Variants in IRAK2 observed in about 807,000 individuals in gnomAD.
IRAK2 encodes interleukin-1 receptor-associated kinase-like 2.
IRAK2 carries 57 observed loss-of-function variants against 72.0 expected under a neutral mutation model. The observed-to-expected ratio is 0.79, with a 90% CI of 0.64 to 0.99. IRAK2 has a LOEUF of 0.99. Ranked by LOEUF, IRAK2 falls within the 50% of genes least tolerant of loss-of-function variation. The probability of loss-of-function intolerance (pLI) is 0.00; values close to 1 mark genes in which losing one functional copy is unlikely to be tolerated. For missense variants in IRAK2, 790 were observed against 794.4 expected (o/e 0.99, Z 0.07); for synonymous variants, 293 against 312.7 (o/e 0.94, Z 0.67).
intron 2 of IRAK2, among the ~76,000 whole-genome samples, chr3:10,188,524 T>A (rs1485164392): frequency 6.7e-6 from 1 of 149,774 alleles, no homozygotes; most frequent in East Asian, 2.0e-4. Context: ...ATTTATTTAT[T>A]TATGTATTTA....
chr3:10,227,708 G>A (rs1006027176), intron 10 of IRAK2, among the ~76,000 whole-genome samples: 1 of 149,222 alleles, frequency 6.7e-6, no homozygotes, highest in African/African-American at 2.5e-5. Flanking sequence ...TTGCTCTGTC[G>A]CCCAGGCTGC....
At chr3:10,228,133 G>C (rs1697808966) in intron 10 of IRAK2, among the ~76,000 whole-genome samples, 1 of 152,124 alleles carries the variant, frequency 6.6e-6, no homozygotes, top group East Asian at 1.9e-4. Flanking sequence ...GGCTTTTGCA[G>C]AGTTTCAAAT....
intron 11 of IRAK2, among the ~76,000 whole-genome samples, chr3:10,237,296 A>C (rs11711184): frequency 0.44 from 66,364 of 151,876 alleles, 15,344 homozygotes; most frequent in Admixed American, 0.53. Context: ...TTTAGGTGTA[A>C]GAAGAGGTAG....
intron 8 of IRAK2, among the ~76,000 whole-genome samples, chr3:10,220,560 A>T (rs887295480): frequency 2.6e-5 from 4 of 152,152 alleles, no homozygotes; most frequent in Non-Finnish European, 1.5e-5. Flanking sequence ...CTCCTGCCTT[A>T]GCCTCCTGAG....
rs1698075952 is a variant in IRAK2, at chr3:10,242,455, TAGTC to T, written c.*230_*233del. ...AAGTCTCTTCCTTTCTGGGCTTTGT[TAGTC>T]AGAGCAGGGGATCAGAGGAGACTGA... On this transcript the variant is annotated 3_prime_UTR_variant, in exon 13 of 13. Transcript: ENST00000256458. 1 of 337,648 alleles carries T rather than the reference TAGTC, an allele frequency of 3.0e-6. No homozygotes were observed. Among genetic ancestry groups the T allele is most frequent in the Non-Finnish European group, 5.4e-6 (1 of 183,724 alleles). 20.9% of individuals were successfully genotyped at this position (337,648 alleles called of 1,614,324 possible).
intron 3 of IRAK2, among the ~76,000 whole-genome samples, chr3:10,205,182 T>G (rs1276533118): frequency 6.6e-6 from 1 of 152,158 alleles, no homozygotes; most frequent in Non-Finnish European, 1.5e-5. Context: ...CTTCTCATTC[T>G]CCTCTCTCTG....
rs1324817290 is a variant in IRAK2, at chr3:10,219,806, G to A, written c.1013+17G>A. The A allele has an allele frequency of 3.2e-6, 5 of 1,568,126 alleles. No individual in the cohort carries two copies. Among genetic ancestry groups the A allele is most frequent in the Non-Finnish European group, 4.4e-6 (5 of 1,138,460 alleles). On this transcript the variant is annotated intron_variant, in intron 8 of 12. Transcript: ENST00000256458. ...CGTCAAGAGGTGAGAGAGGTGGGCT[G>A]GACCCTGCTGGGGCCTGGGCTGCAA... is the stretch of plus-strand genomic sequence containing the variant.
intron 4 of IRAK2, 44 bp from the exon 5 acceptor site, chr3:10,213,163 C>G (rs376323243): frequency 7.2e-6 from 11 of 1,527,032 alleles, no homozygotes; most frequent in Non-Finnish European, 9.0e-6. Context: ...GCAGAGAAAA[C>G]GAGATTCCAT....
chr3:10,223,312 A>G (rs1697724666), intron 9 of IRAK2, among the ~76,000 whole-genome samples: 1 of 152,106 alleles, frequency 6.6e-6, no homozygotes, highest in Non-Finnish European at 1.5e-5. Context: ...CCATCCATTC[A>G]GCGACCACTG....
rs1698075846 is a variant in IRAK2, at chr3:10,242,450, T to C, written c.*222T>C. 1 of 349,010 alleles carries C rather than the reference T, an allele frequency of 2.9e-6. No homozygotes were observed. The highest frequency in any genetic ancestry group is 2.1e-5 in the African/African-American group (1 of 47,590). The allele number at this position is 349,010 out of a possible 1,614,324, so 21.6% of individuals were successfully genotyped here. On this transcript the variant is annotated 3_prime_UTR_variant, in exon 13 of 13. Coordinates refer to ENST00000256458, the MANE Select transcript of IRAK2 (RefSeq NM_001570.4). ...CCATGAAGTCTCTTCCTTTCTGGGC[T>C]TTGTTAGTCAGAGCAGGGGATCAGA...
At chr3:10,208,078 G>C (rs891470982) in intron 3 of IRAK2, among the ~76,000 whole-genome samples, 1 of 151,730 alleles carries the variant, frequency 6.6e-6, no homozygotes, top group Admixed American at 6.6e-5. Context: ...AGACTAATGA[G>C]GCCGTCTGGT....
chr3:10,178,058 A>G, intron 2 of IRAK2, 38 bp downstream of exon 2: 1 of 1,510,660 alleles, frequency 6.6e-7, no homozygotes, highest in Non-Finnish European at 9.0e-7. Context: ...GGGGCCCATC[A>G]CGCTCCTGAG....
At chr3:10,232,040 T>C (rs988374720) in intron 10 of IRAK2, among the ~76,000 whole-genome samples, 8 of 152,092 alleles carry the variant, frequency 5.3e-5, no homozygotes, top group Admixed American at 1.3e-4. Flanking sequence ...GGCAGGAGAA[T>C]GGCATGAACC....
At chr3:10,236,423 C>G (rs1022618815) in intron 11 of IRAK2, among the ~76,000 whole-genome samples, 1 of 146,508 alleles carries the variant, frequency 6.8e-6, no homozygotes, top group African/African-American at 2.5e-5. Flanking sequence ...TCTCGGCTCA[C>G]TGCAACCTCC....
At chr3:10,219,934 A>G in intron 8 of IRAK2, 145 bp downstream of exon 8, 1 of 637,504 alleles carries the variant, frequency 1.6e-6, no homozygotes, top group Non-Finnish European at 2.8e-6. Flanking sequence ...CCTCCCCTGG[A>G]TGTCTTTTTC....
Position 10,238,740 on chromosome 3 carries a change from T to C in IRAK2, c.1474-8T>C. 1 of 1,612,042 alleles carries C rather than the reference T, an allele frequency of 6.2e-7. No homozygotes were observed. Among genetic ancestry groups the C allele is most frequent in the Non-Finnish European group, 8.5e-7 (1 of 1,178,840 alleles). ...CTGATGAGCTCCCTTCTCTCTCTTC[T>C]CCCAAAGGTGTGTGGCTCTGTGGCT... On this transcript the variant is annotated splice_polypyrimidine_tract_variant and splice_region_variant and intron_variant, in intron 11 of 12. Coordinates refer to ENST00000256458, the MANE Select transcript of IRAK2 (RefSeq NM_001570.4).
rs551564779 is a variant in IRAK2 at position 10,206,044 on chromosome 3, G to C, written c.425-3545G>C. ...AGAGGCAGATACCAAGACAGGATAG[G>C]ATTTCATCAACAAGATAGGATTTCA... On this transcript the variant is annotated intron_variant, in intron 3 of 12. Transcript: ENST00000256458. 1.0e-3 allele frequency among the ~76,000 whole-genome samples: 158 copies of C among 152,290 alleles called. 1 individual carries two copies. Among genetic ancestry groups the C allele is most frequent in the African/African-American group, 3.7e-3 (154 of 41,558 alleles).
chr3:10,189,005 G>A (rs1290180423), intron 2 of IRAK2, among the ~76,000 whole-genome samples: 1 of 152,228 alleles, frequency 6.6e-6, no homozygotes, highest in African/African-American at 2.4e-5. Context: ...AGATGCTGGG[G>A]ATGCAACCAT....
chr3:10,181,258 T>C (rs1696955132), intron 2 of IRAK2, among the ~76,000 whole-genome samples: 1 of 152,050 alleles, frequency 6.6e-6, no homozygotes, highest in Non-Finnish European at 1.5e-5. Context: ...TTCCTCTCCT[T>C]ACATTCCCCC....
Sources: allele counts gnomAD v4.1 joint callset (sites outside exome capture counted in the v4.1 genomes callset), GRCh38; gene constraint gnomAD v4.1.1; transcripts MANE v1.5; gene names NCBI Gene and HGNC (gene_info 2026-07-23, HGNC 2026-07-21).